Variants in ULK4 observed in about 807,000 individuals in gnomAD.
ULK4 encodes the protein unc-51 like kinase 4.
ULK4 carries 133 observed loss-of-function variants against 160.6 expected under a neutral mutation model. The ratio of observed to expected loss-of-function variants is 0.83; its 90% CI spans 0.72 to 0.96. ULK4 has a LOEUF of 0.96. ULK4 is among the 40% of genes least tolerant of loss of function. The probability of loss-of-function intolerance (pLI) is 0.00; values close to 1 mark genes in which losing one functional copy is unlikely to be tolerated. For missense variants in ULK4, 1,580 were observed against 1,499.5 expected (o/e 1.05, Z -0.89); for synonymous variants, 534 against 539.8 (o/e 0.99, Z 0.15).
At chr3:41,708,636 G>C (rs1305961471) in intron 25 of ULK4, among the ~76,000 whole-genome samples, 2 of 152,188 alleles carry the variant, frequency 1.3e-5, no homozygotes, top group Admixed American at 6.5e-5. Flanking sequence ...CAGCTACTTG[G>C]GAGGCTGAGG....
intron 35 of ULK4, among the ~76,000 whole-genome samples, chr3:41,270,276 G>T (rs6794072): frequency 0.073 from 11,108 of 151,810 alleles, 1,039 homozygotes; most frequent in African/African-American, 0.2. Flanking sequence ...TGGGGCTGGA[G>T]AGTCATGCTA....
At chr3:41,279,267 A>AAAAC (rs1293973924) in intron 35 of ULK4, among the ~76,000 whole-genome samples, 21 of 145,044 alleles carry the variant, frequency 1.4e-4, no homozygotes, top group African/African-American at 5.4e-4. Flanking sequence ...AAAAAAAAAA[A>AAAAC]AAAAAAAACA....
At chr3:41,298,422 T>C (rs1169025874) in intron 35 of ULK4, among the ~76,000 whole-genome samples, 2 of 152,222 alleles carry the variant, frequency 1.3e-5, no homozygotes, top group East Asian at 1.9e-4. Context: ...TGTTCCATTA[T>C]TGCCTCTGTC....
intron 34 of ULK4, among the ~76,000 whole-genome samples, chr3:41,418,158 G>A (rs1462051168): frequency 6.6e-6 from 1 of 152,040 alleles, no homozygotes; most frequent in Non-Finnish European, 1.5e-5. Flanking sequence ...AGGGTTAGGA[G>A]CATTAACCCT....
chr3:41,374,816 G>A (rs575861534), intron 35 of ULK4, among the ~76,000 whole-genome samples: 1 of 152,262 alleles, frequency 6.6e-6, no homozygotes, highest in South Asian at 2.1e-4. Flanking sequence ...GAAATAAAGG[G>A]TATTCAAATA....
chr3:41,708,177 C>CATATAT (rs151064663), intron 25 of ULK4, among the ~76,000 whole-genome samples: 30,162 of 149,788 alleles, frequency 0.2, 3,473 homozygotes, highest in African/African-American at 0.32. Flanking sequence ...AATACATATA[C>CATATAT]ATATATATAT....
intron 32 of ULK4, among the ~76,000 whole-genome samples, chr3:41,480,791 G>A (rs988780922): frequency 6.6e-6 from 1 of 152,188 alleles, no homozygotes; most frequent in African/African-American, 2.4e-5. Context: ...CAATCATGGT[G>A]GAAGGGGAAG....
In ULK4 at chr3:41,858,147, G is replaced by GTTTTTTTTT. The variant is rs71288052; in HGVS notation, c.1657-22185_1657-22177dup. ...GTATCCCATAGGGTTTTTTTTGTTT[G>GTTTTTTTTT]TTTTTTTTTTTTTTTTTTTTTTTGG... is the stretch of plus-strand genomic sequence containing the variant. On this transcript the variant is annotated intron_variant, in intron 17 of 36. Coordinates refer to ENST00000301831, the MANE Select transcript of ULK4 (RefSeq NM_017886.4). 9.8e-5 allele frequency among the ~76,000 whole-genome samples: 9 copies of GTTTTTTTTT among 92,134 alleles called. 1 individual carries two copies. In the East Asian group the frequency reaches 2.0e-3, roughly 20 times the overall value. The allele number at this position is 92,134 out of a possible 152,430, so 60.4% of individuals were successfully genotyped here.
Position 41,763,540 on chromosome 3 carries a change from T to C in ULK4, c.2194-9052A>G, listed in dbSNP as rs538333207. 3.3e-5 allele frequency among the ~76,000 whole-genome samples: 5 copies of C among 152,338 alleles called. No homozygotes were observed. In the South Asian group the frequency reaches 1.0e-3, roughly 32 times the overall value. On this transcript the variant is annotated intron_variant, in intron 21 of 36. Coordinates refer to ENST00000301831, the MANE Select transcript of ULK4 (RefSeq NM_017886.4). ...TGTGTATGTTAGCTATAGTAGTAGT[T>C]GGCATTTTATTGTCATATAATATTC...
chr3:41,941,824 G>GACC (rs1200719786), intron 2 of ULK4, among the ~76,000 whole-genome samples: 1 of 134,758 alleles, frequency 7.4e-6, no homozygotes, highest in Non-Finnish European at 1.6e-5. Context: ...GAATAAGGAA[G>GACC]ACCACCTGGT....
chr3:41,392,322 C>T (rs1401563484), intron 35 of ULK4, among the ~76,000 whole-genome samples: 1 of 152,028 alleles, frequency 6.6e-6, no homozygotes, highest in African/African-American at 2.4e-5. Context: ...AGAAAGAGCA[C>T]CCTAGAGGCA....
intron 32 of ULK4, among the ~76,000 whole-genome samples, chr3:41,498,986 C>G (rs1241873120): frequency 6.6e-6 from 1 of 152,120 alleles, no homozygotes; most frequent in Non-Finnish European, 1.5e-5. Flanking sequence ...TAGTACTATT[C>G]TTCAATAAAA....
chr3:41,385,989 C>T (rs1388653578), intron 35 of ULK4, among the ~76,000 whole-genome samples: 1 of 152,168 alleles, frequency 6.6e-6, no homozygotes, highest in East Asian at 1.9e-4. Flanking sequence ...AGCCTGGATG[C>T]TTATTATTAT....
intron 32 of ULK4, among the ~76,000 whole-genome samples, chr3:41,479,679 G>C (rs956456476): frequency 3.3e-5 from 5 of 152,150 alleles, no homozygotes; most frequent in Admixed American, 3.3e-4. Flanking sequence ...AAAAACAGCA[G>C]AGACAGGTAG....
At chr3:41,438,705 T>G (rs1343136603) in intron 34 of ULK4, among the ~76,000 whole-genome samples, 1 of 151,912 alleles carries the variant, frequency 6.6e-6, no homozygotes, top group Non-Finnish European at 1.5e-5. Context: ...TGCATGCATG[T>G]AGTCCCAGCC....
At chr3:41,686,881 T>G (rs537781729) in intron 27 of ULK4, among the ~76,000 whole-genome samples, 1 of 152,348 alleles carries the variant, frequency 6.6e-6, no homozygotes, top group South Asian at 2.1e-4. Flanking sequence ...CATACAGTTT[T>G]CTAAAGAACT....
chr3:41,642,024 T>C lies in ULK4; in HGVS notation c.3071+21583A>G, dbSNP rs144086096. Among the ~76,000 whole-genome samples the C allele has an allele frequency of 6.4e-4, 97 of 152,096 alleles. 1 individual carries two copies. Among genetic ancestry groups the C allele is most frequent in the African/African-American group, 2.2e-3 (91 of 41,478 alleles). On this transcript the variant is annotated intron_variant, in intron 30 of 36. Transcript: ENST00000301831. ...CCAAGTAGCTGGAATTACAGGCACATGCAACCACGTCTAGCTAATTTTGTA... is the reference window on the plus strand; with the variant it reads ...CCAAGTAGCTGGAATTACAGGCACACGCAACCACGTCTAGCTAATTTTGTA...
intron 30 of ULK4, among the ~76,000 whole-genome samples, chr3:41,646,783 A>G (rs1204173519): frequency 2.0e-5 from 3 of 152,096 alleles, no homozygotes; most frequent in African/African-American, 7.3e-5. Flanking sequence ...TATCCTGAAG[A>G]GTGTTTTCCA....
At chr3:41,772,196 G>C (rs1301174329) in intron 21 of ULK4, among the ~76,000 whole-genome samples, 4 of 152,168 alleles carry the variant, frequency 2.6e-5, no homozygotes, top group African/African-American at 7.2e-5. Context: ...AAAGCTAGCA[G>C]AAAGCAAGAA....
Sources: allele counts gnomAD v4.1 joint callset (sites outside exome capture counted in the v4.1 genomes callset), GRCh38; gene constraint gnomAD v4.1.1; transcripts MANE v1.5; gene names NCBI Gene and HGNC (gene_info 2026-07-23, HGNC 2026-07-21).